The following ANKS1A variants were observed in gnomAD, a reference collection of about 807,000 sequenced individuals.
ANKS1A encodes the protein ankyrin repeat and SAM domain-containing protein 1A.
ANKS1A carries 55 observed loss-of-function variants against 120.3 expected under a neutral mutation model. That is an observed-to-expected ratio of 0.46 (90% CI 0.37 to 0.57). The LOEUF (loss-of-function observed/expected upper bound fraction) is 0.57, where lower values mean the gene tolerates loss of function less well. Among genes scored for constraint, ANKS1A ranks in the 20% least tolerant of loss-of-function variants. ANKS1A has a pLI of 0.00. For missense variants in ANKS1A, 1,123 were observed against 1,480.3 expected, an observed-to-expected ratio of 0.76 and a Z score of 3.96; for synonymous variants, 590 against 604.7, an observed-to-expected ratio of 0.98 and a Z score of 0.36.
chr6:35,082,689 A>G lies in ANKS1A; in HGVS notation c.2710-2A>G. 6.2e-7 allele frequency: 1 copy of G among 1,607,202 alleles called. No individual in the cohort carries two copies. The highest frequency in any genetic ancestry group is 8.5e-7 in the Non-Finnish European group (1 of 1,176,600). ...AGGTGTCCAATTGCGTGTGTTTCGCAGGAGGAGCACCGTGAGGCCAAGCTG... is the reference window on the plus strand; with the variant it reads ...AGGTGTCCAATTGCGTGTGTTTCGCGGGAGGAGCACCGTGAGGCCAAGCTG... On this transcript the variant is annotated splice_acceptor_variant, in intron 17 of 23. Transcript: ENST00000360359. LOFTEE classifies it high-confidence loss of function. This position sits in a 1 kb window ranked among gnomAD's most constrained non-coding sequence, Gnocchi z 4.1.
At position 35,044,980 on chromosome 6, in the gene ANKS1A, G is replaced by C. The variant is rs1775648843; in HGVS notation, c.2011-9119G>C. Among the ~76,000 whole-genome samples, 1 of 152,192 alleles carries C rather than the reference G, an allele frequency of 6.6e-6. No homozygotes were observed. Among genetic ancestry groups the C allele is most frequent in the Non-Finnish European group, 1.5e-5 (1 of 68,038 alleles). ...GGCTGGCATCTGGTCAAGTTACAGA[G>C]GGAAACAGGCACAGTATCTCCTGCT... On this transcript the variant is annotated intron_variant, in intron 11 of 23. Transcript: ENST00000360359. The surrounding 1 kb of genome is among the most constrained non-coding windows in gnomAD (Gnocchi z 4.4).
At chr6:34,992,697 G>C (rs1772640096) in intron 9 of ANKS1A, among the ~76,000 whole-genome samples, 1 of 152,192 alleles carries the variant, frequency 6.6e-6, no homozygotes, top group African/African-American at 2.4e-5. Context: ...TAAGTAATAT[G>C]AGTAAATGGC....
At chr6:34,966,889 C>G (rs143642568) in intron 1 of ANKS1A, among the ~76,000 whole-genome samples, 93 of 152,262 alleles carry the variant, frequency 6.1e-4, no homozygotes, top group Non-Finnish European at 1.3e-3. Context: ...GTCACCAGTA[C>G]AGGAGTGAGA....
intron 14 of ANKS1A, among the ~76,000 whole-genome samples, chr6:35,079,297 C>T (rs1335477856): frequency 6.6e-6 from 1 of 152,198 alleles, no homozygotes; most frequent in African/African-American, 2.4e-5. Context: ...TCTTCCAGCC[C>T]TGTCGGTGCT....
At position 35,008,786 on chromosome 6, in the gene ANKS1A, G is replaced by A. The variant is rs938956382; in HGVS notation, c.1424-8687G>A. Among the ~76,000 whole-genome samples the A allele has an allele frequency of 5.3e-5, 8 of 152,210 alleles. No individual in the cohort carries two copies. In the South Asian group the frequency reaches 1.0e-3, roughly 20 times the overall value. On this transcript the variant is annotated intron_variant, in intron 10 of 23. Coordinates refer to ENST00000360359, the MANE Select transcript of ANKS1A (RefSeq NM_015245.3). ...AAATTCATATAAAAGTGATTTTGGT[G>A]TCCAAAAGAGGGATAAATTATGTCA...
chr6:34,905,967 C>T (rs367960880), intron 1 of ANKS1A, among the ~76,000 whole-genome samples: 6 of 152,204 alleles, frequency 3.9e-5, no homozygotes, highest in African/African-American at 7.2e-5. Flanking sequence ...AAAAACAGTA[C>T]GCAGGAAACA....
At chr6:35,094,841 G>GAC (rs1174281697), downstream of ANKS1A, among the ~76,000 whole-genome samples, 82 of 141,532 alleles carry the variant, frequency 5.8e-4, no homozygotes, top group African/African-American at 2.2e-3. Context: ...GGGAAAAAGA[G>GAC]GCTAAGAAAA....
intron 10 of ANKS1A, among the ~76,000 whole-genome samples, chr6:34,995,981 T>C (rs1254137137): frequency 2.0e-5 from 3 of 152,190 alleles, no homozygotes; most frequent in African/African-American, 7.2e-5. Flanking sequence ...ATATATAATA[T>C]GTTTAACTTT....
chr6:34,931,081 G>A (rs1268709708), intron 1 of ANKS1A, among the ~76,000 whole-genome samples: 1 of 150,490 alleles, frequency 6.6e-6, no homozygotes, highest in Non-Finnish European at 1.5e-5. Flanking sequence ...GTTTCTCCAT[G>A]TTGGTCAGGC....
At chr6:34,922,157 G>A (rs1419804775) in intron 1 of ANKS1A, among the ~76,000 whole-genome samples, 1 of 151,830 alleles carries the variant, frequency 6.6e-6, no homozygotes, top group Non-Finnish European at 1.5e-5. Flanking sequence ...AAAGTAAGAA[G>A]AACACAGTTG....
chr6:34,892,547 A>G (rs1005731886), intron 1 of ANKS1A, among the ~76,000 whole-genome samples: 4 of 152,176 alleles, frequency 2.6e-5, no homozygotes, highest in African/African-American at 9.6e-5. Context: ...GTTCCAGACC[A>G]CACATGTGTT....
intron 1 of ANKS1A, among the ~76,000 whole-genome samples, chr6:34,959,397 T>C (rs1006569666): frequency 6.6e-6 from 1 of 152,234 alleles, no homozygotes; most frequent in Admixed American, 6.5e-5. Flanking sequence ...GAAAACTGAA[T>C]GTTAGAAGTT....
At chr6:35,059,198 C>G (rs1776355444) in intron 12 of ANKS1A, among the ~76,000 whole-genome samples, 1 of 152,242 alleles carries the variant, frequency 6.6e-6, no homozygotes, top group African/African-American at 2.4e-5. Flanking sequence ...TGAAAACCAG[C>G]CTGGCCCAAG....
At chr6:34,985,392 G>C (rs1772143026) in intron 8 of ANKS1A, 114 bp downstream of exon 8, 1 of 1,052,210 alleles carries the variant, frequency 9.5e-7, no homozygotes, top group African/African-American at 1.6e-5. Context: ...TGTTTCCGGG[G>C]CCTGGAGCCC....
chr6:35,038,574 TG>T (rs1385154026), intron 11 of ANKS1A, among the ~76,000 whole-genome samples: 1 of 152,150 alleles, frequency 6.6e-6, no homozygotes, highest in Non-Finnish European at 1.5e-5. Context: ...CTCAAACTCC[TG>T]GGCTGAAGTG....
intron 13 of ANKS1A, among the ~76,000 whole-genome samples, chr6:35,077,211 C>T (rs1235106420): frequency 6.6e-6 from 1 of 152,162 alleles, no homozygotes; most frequent in African/African-American, 2.4e-5. Context: ...AGCAGAAACC[C>T]TTCCTCATAA....
At position 35,017,826 on chromosome 6, in the gene ANKS1A, G is replaced by A. The variant is rs766955546; in HGVS notation, c.1777G>A (p.Gly593Ser). ...TLTHTASPHPGGAEEGDRSGA... is the reference protein window; with the variant it reads ...TLTHTASPHPSGAEEGDRSGA... ...GACTCACACAGCATCTCCGCACCCT[G>A]GTGGTGCTGAGGAAGGAGACCGGAG... The change falls in exon 11 of 24, where the codon GGT (glycine) becomes AGT (serine). Residue 593 changes from glycine to serine, a missense_variant. Around this residue, in one of 3 missense-constraint regions of ANKS1A, gnomAD observed 904 missense variants for 1,130.4 expected, o/e 0.80. Transcript: ENST00000360359. The A allele has an allele frequency of 1.2e-6, 2 of 1,614,190 alleles. No homozygotes were observed. The highest frequency in any genetic ancestry group is 1.7e-6 in the Non-Finnish European group (2 of 1,180,020).
chr6:34,899,597 T>C (rs1340242515), intron 1 of ANKS1A, among the ~76,000 whole-genome samples: 1 of 152,242 alleles, frequency 6.6e-6, no homozygotes, highest in Non-Finnish European at 1.5e-5. Context: ...TTTTAAATTA[T>C]AGTTGAGACC....
In ANKS1A at chr6:35,084,016, C is replaced by T. The variant is rs554402479; in HGVS notation, c.2995-105C>T. The T allele has an allele frequency of 9.2e-6, 14 of 1,522,696 alleles. No individual in the cohort carries two copies. Among genetic ancestry groups the T allele is most frequent in the Non-Finnish European group, 1.2e-5 (14 of 1,120,544 alleles). 94.3% of individuals were successfully genotyped at this position (1,522,696 alleles called of 1,614,324 possible). ...AAGATGAAGGGGGGTTTGCTTGATG[C>T]TCTAGGCTGGGACAGAGAACAGTGA... On this transcript the variant is annotated intron_variant, in intron 20 of 23. Coordinates refer to ENST00000360359, the MANE Select transcript of ANKS1A (RefSeq NM_015245.3). The surrounding 1 kb of genome is among the most constrained non-coding windows in gnomAD (Gnocchi z 4.8).
Sources: allele counts gnomAD v4.1 joint callset (sites outside exome capture counted in the v4.1 genomes callset), GRCh38; gene constraint gnomAD v4.1.1; regional missense constraint gnomAD v4.1.1; non-coding constraint Gnocchi (gnomAD v3.1); transcripts MANE v1.5; gene names NCBI Gene and HGNC (gene_info 2026-07-23, HGNC 2026-07-21).